Variants in CACNB2 observed in about 807,000 individuals in gnomAD.
CACNB2 encodes the protein voltage-dependent L-type calcium channel subunit beta-2.
Under a neutral mutation model 73.3 loss-of-function variants are expected in CACNB2, and 42 were observed. That is an observed-to-expected ratio of 0.57 (90% CI 0.45 to 0.74). The LOEUF (loss-of-function observed/expected upper bound fraction) is 0.74, where lower values mean the gene tolerates loss of function less well. Ranked by LOEUF, CACNB2 falls within the 30% of genes least tolerant of loss-of-function variation. The pLI is 0.00. For missense variants in CACNB2, 940 were observed against 853.0 expected (o/e 1.10, Z -1.27); for synonymous variants, 348 against 310.3 (o/e 1.12, Z -1.28).
chr10:18,521,043 C>T (rs1165480135), intron 9 of CACNB2, among the ~76,000 whole-genome samples: 1 of 152,212 alleles, frequency 6.6e-6, no homozygotes. Flanking sequence ...CAGTACTCAA[C>T]ATGAGCAGTG....
At chr10:18,296,905 C>G (rs2039302618) in intron 2 of CACNB2, among the ~76,000 whole-genome samples, 2 of 152,180 alleles carry the variant, frequency 1.3e-5, no homozygotes, top group African/African-American at 4.8e-5. Flanking sequence ...TGACTTTGGA[C>G]AAATTATTAA....
At position 18,343,077 on chromosome 10, in the gene CACNB2, A is replaced by G. The variant is rs377034722; in HGVS notation, c.214-58847A>G. ...AAAATGAAATCAATAAACCAATGCA[A>G]TTTGGTGTAATTACTTTCTACCGCC... On this transcript the variant is annotated intron_variant, in intron 2 of 13. Coordinates refer to ENST00000324631, the MANE Select transcript of CACNB2 (RefSeq NM_201596.3). Among the ~76,000 whole-genome samples the G allele has an allele frequency of 4.1e-4, 63 of 152,318 alleles. 1 individual carries two copies. In the East Asian group the frequency reaches 8.5e-3, roughly 21 times the overall value.
At chr10:18,235,650 G>C (rs2036412892) in intron 2 of CACNB2, among the ~76,000 whole-genome samples, 1 of 152,210 alleles carries the variant, frequency 6.6e-6, no homozygotes, top group African/African-American at 2.4e-5. Context: ...GCTGCTCTCT[G>C]TCTGCCAACA....
rs146275613 is a variant in CACNB2, at chr10:18,194,474, A to G, written c.213+43499A>G. Among the ~76,000 whole-genome samples, 697 of 152,286 alleles carry G rather than the reference A, an allele frequency of 4.6e-3. 5 individuals carry two copies. The highest frequency in any genetic ancestry group is 0.016 in the African/African-American group (668 of 41,566). ...TCTAGAAGATTCTGGACATCTTTAT[A>G]GCTCAGACAATTTGTAATTATCAGG... On this transcript the variant is annotated intron_variant, in intron 2 of 13. Coordinates refer to ENST00000324631, the MANE Select transcript of CACNB2 (RefSeq NM_201596.3).
At chr10:18,440,069 T>G (rs72786097) in intron 3 of CACNB2, among the ~76,000 whole-genome samples, 31,208 of 152,082 alleles carry the variant, frequency 0.21, 3,593 homozygotes, top group African/African-American at 0.3. Context: ...AAGGCACCGG[T>G]AGATTCAGTG....
At chr10:18,207,908 C>T (rs2035161029) in intron 2 of CACNB2, among the ~76,000 whole-genome samples, 1 of 151,954 alleles carries the variant, frequency 6.6e-6, no homozygotes, top group Non-Finnish European at 1.5e-5. Flanking sequence ...ATCATTGTAC[C>T]AGCAAAAAGG....
chr10:18,177,027 A>T (rs1406020271), intron 2 of CACNB2, among the ~76,000 whole-genome samples: 1 of 152,038 alleles, frequency 6.6e-6, no homozygotes, highest in East Asian at 1.9e-4. Flanking sequence ...TGACTGAGGG[A>T]AAGTGTTGTT....
chr10:18,355,044 A>G (rs575411531), intron 2 of CACNB2, among the ~76,000 whole-genome samples: 1 of 152,338 alleles, frequency 6.6e-6, no homozygotes, highest in South Asian at 2.1e-4. Context: ...CTATATGTAT[A>G]AAGTGTACAT....
intron 2 of CACNB2, among the ~76,000 whole-genome samples, chr10:18,290,241 G>A (rs1472801294): frequency 6.7e-6 from 1 of 148,670 alleles, no homozygotes; most frequent in Admixed American, 6.8e-5. Context: ...TGGTCAGGCC[G>A]GTCCCAAACT....
At chr10:18,253,637 T>C (rs987803176) in intron 2 of CACNB2, among the ~76,000 whole-genome samples, 11 of 152,206 alleles carry the variant, frequency 7.2e-5, no homozygotes, top group African/African-American at 1.9e-4. Context: ...AATGAACTGG[T>C]CAAATGGATT....
chr10:18,321,977 A>T (rs2040413173), intron 2 of CACNB2, among the ~76,000 whole-genome samples: 1 of 151,886 alleles, frequency 6.6e-6, no homozygotes, highest in Non-Finnish European at 1.5e-5. Context: ...ACATAGCAAG[A>T]CTCTGTCTCT....
At chr10:18,449,037 A>G (rs561356722) in intron 3 of CACNB2, among the ~76,000 whole-genome samples, 7 of 152,284 alleles carry the variant, frequency 4.6e-5, no homozygotes, top group Non-Finnish European at 7.4e-5. Context: ...GTCATGTCCT[A>G]TGGTCTGGTA....
chr10:18,286,046 C>T (rs1453729069), intron 2 of CACNB2, among the ~76,000 whole-genome samples: 1 of 152,186 alleles, frequency 6.6e-6, no homozygotes, highest in South Asian at 2.1e-4. Context: ...AATATATGTA[C>T]ATCTGTGAAC....
chr10:18,527,606 C>T lies in CACNB2; in HGVS notation c.963C>T (p.Val321=). The T allele has an allele frequency of 6.2e-7, 1 of 1,613,472 alleles. No individual in the cohort carries two copies. The highest frequency in any genetic ancestry group is 8.5e-7 in the Non-Finnish European group (1 of 1,179,480). ...CCAACAGGATATCCATCACAAGGGT[C>T]ACCGCTGACATCTCGCTTGCCAAAC... ...RFEGRISITR[V]TADISLAKRS... The change falls in exon 10 of 14, where the codon GTC becomes GTT. Residue 321 remains valine (V), a synonymous_variant. Transcript: ENST00000324631.
intron 2 of CACNB2, among the ~76,000 whole-genome samples, chr10:18,177,838 C>A (rs2131191762): frequency 6.6e-6 from 1 of 152,224 alleles, no homozygotes; most frequent in African/African-American, 2.4e-5. Flanking sequence ...TATTTGGGAA[C>A]AAAAAGGAAG....
At chr10:18,159,602 A>C (rs1005586393) in intron 2 of CACNB2, among the ~76,000 whole-genome samples, 1 of 152,242 alleles carries the variant, frequency 6.6e-6, no homozygotes, top group South Asian at 2.1e-4. Flanking sequence ...GTCGTCTCTC[A>C]GTACCTTGTT....
chr10:18,373,128 A>G (rs2042657506), intron 2 of CACNB2, among the ~76,000 whole-genome samples: 1 of 152,052 alleles, frequency 6.6e-6, no homozygotes, highest in African/African-American at 2.4e-5. Context: ...ATATTTCCCT[A>G]AAGACTAGCA....
At chr10:18,144,691 A>G (rs1456444738) in intron 1 of CACNB2, among the ~76,000 whole-genome samples, 1 of 152,258 alleles carries the variant, frequency 6.6e-6, no homozygotes, top group Non-Finnish European at 1.5e-5. Flanking sequence ...AAGATGAAAT[A>G]AAGAATATAA....
chr10:18,529,176 A>C (rs1025029732), intron 10 of CACNB2, among the ~76,000 whole-genome samples: 7 of 152,352 alleles, frequency 4.6e-5, no homozygotes, highest in Non-Finnish European at 2.9e-5. Flanking sequence ...TGAATTAACA[A>C]AGTCAAGTAA....
Sources: allele counts gnomAD v4.1 joint callset (sites outside exome capture counted in the v4.1 genomes callset), GRCh38; gene constraint gnomAD v4.1.1; transcripts MANE v1.5; gene names NCBI Gene and HGNC (gene_info 2026-07-23, HGNC 2026-07-21).